MACROD2: variants seen among roughly 807,000 people sequenced by gnomAD.
MACROD2 encodes mono-ADP ribosylhydrolase 2, also known as ADP-ribose glycohydrolase MACROD2.
In MACROD2, 36 loss-of-function variants were observed where a neutral mutation model predicts 70.4. The ratio of observed to expected loss-of-function variants is 0.51; its 90% CI spans 0.39 to 0.68. MACROD2 has a LOEUF of 0.68. Ranked by LOEUF, MACROD2 falls within the 30% of genes least tolerant of loss-of-function variation. The pLI is 0.00. For synonymous variants in MACROD2, 172 were observed against 178.8 expected (o/e 0.96, Z 0.30); for missense variants, 496 against 538.4 (o/e 0.92, Z 0.78).
intron 12 of MACROD2, among the ~76,000 whole-genome samples, chr20:15,938,606 G>A (rs183792200): frequency 3.9e-5 from 6 of 151,978 alleles, no homozygotes; most frequent in East Asian, 1.9e-4. Context: ...CCCTTTTCTC[G>A]GGCCTCCCTA....
intron 8 of MACROD2, among the ~76,000 whole-genome samples, chr20:15,837,579 G>A (rs533381552): frequency 2.2e-4 from 33 of 151,916 alleles, no homozygotes; most frequent in Non-Finnish European, 3.5e-4. Flanking sequence ...CCAACTTGCC[G>A]CATTCTACAC....
intron 3 of MACROD2, among the ~76,000 whole-genome samples, chr20:14,339,554 C>T (rs888998793): frequency 1.3e-5 from 2 of 152,148 alleles, no homozygotes; most frequent in African/African-American, 4.8e-5. Context: ...TTCATTCAGG[C>T]AGGCCTTAAA....
At chr20:15,235,456 G>A (rs776492924) in intron 6 of MACROD2, among the ~76,000 whole-genome samples, 18 of 152,158 alleles carry the variant, frequency 1.2e-4, no homozygotes, top group Non-Finnish European at 2.2e-4. Context: ...TTCCTTCCTT[G>A]AGTCATAGAT....
intron 8 of MACROD2, among the ~76,000 whole-genome samples, chr20:15,816,352 G>T (rs2063874934): frequency 6.6e-6 from 1 of 151,952 alleles, no homozygotes; most frequent in Admixed American, 6.6e-5. Context: ...CCCCCAAATT[G>T]TACTGGAATC....
intron 5 of MACROD2, among the ~76,000 whole-genome samples, chr20:14,772,132 C>T (rs1348171609): frequency 6.6e-6 from 1 of 152,014 alleles, no homozygotes; most frequent in Non-Finnish European, 1.5e-5. Flanking sequence ...TAAAAATTTT[C>T]ACACTAATTT....
chr20:16,021,706 A>T (rs2067003556), intron 15 of MACROD2, among the ~76,000 whole-genome samples: 2 of 152,182 alleles, frequency 1.3e-5, no homozygotes, highest in African/African-American at 2.4e-5. Flanking sequence ...TCTGACTTTT[A>T]CCTATTAGGA....
At chr20:14,228,298 C>T (rs2018662) in intron 3 of MACROD2, among the ~76,000 whole-genome samples, 2,363 of 150,590 alleles carry the variant, frequency 0.016, 27 homozygotes, top group African/African-American at 0.031. Context: ...AATAATTTTA[C>T]TTAAAATAAT....
chr20:15,972,398 A>G (rs1193373303), intron 13 of MACROD2, among the ~76,000 whole-genome samples: 2 of 152,196 alleles, frequency 1.3e-5, no homozygotes, highest in African/African-American at 4.8e-5. Context: ...AGCATAAGAA[A>G]CATAATGAAA....
chr20:14,042,693 T>C (rs2053409846), intron 2 of MACROD2, among the ~76,000 whole-genome samples: 1 of 152,032 alleles, frequency 6.6e-6, no homozygotes, highest in African/African-American at 2.4e-5. Context: ...AGAGATGGGG[T>C]TTCACCGTGT....
chr20:14,618,145 A>G (rs1053313703), intron 4 of MACROD2, among the ~76,000 whole-genome samples: 5 of 152,028 alleles, frequency 3.3e-5, no homozygotes, highest in African/African-American at 9.7e-5. Flanking sequence ...CCAAGCAGCT[A>G]AAATAATGCC....
At chr20:14,080,021 T>G (rs1185115481) in intron 2 of MACROD2, among the ~76,000 whole-genome samples, 1 of 152,170 alleles carries the variant, frequency 6.6e-6, no homozygotes, top group African/African-American at 2.4e-5. Context: ...GGTCACTTCC[T>G]GGCAGGTCCA....
chr20:14,632,710 C>A (rs1270654504), intron 4 of MACROD2, among the ~76,000 whole-genome samples: 1 of 152,018 alleles, frequency 6.6e-6, no homozygotes, highest in Middle Eastern at 3.2e-3. Flanking sequence ...GTATAGTAAA[C>A]AAAATTAAAT....
intron 8 of MACROD2, among the ~76,000 whole-genome samples, chr20:15,554,546 C>CAAAA (rs201068996): frequency 2.1e-4 from 19 of 89,840 alleles, no homozygotes; most frequent in African/African-American, 7.5e-4. Context: ...CCTATTTGGC[C>CAAAA]AAAAAAAAAA....
At chr20:15,190,497 T>A (rs2076563439) in intron 5 of MACROD2, among the ~76,000 whole-genome samples, 2 of 152,188 alleles carry the variant, frequency 1.3e-5, no homozygotes, top group South Asian at 4.1e-4. Flanking sequence ...TATGTATAGG[T>A]AATCATCAGT....
At chr20:15,604,950 C>G (rs529556949) in intron 8 of MACROD2, among the ~76,000 whole-genome samples, 2 of 152,284 alleles carry the variant, frequency 1.3e-5, no homozygotes, top group East Asian at 3.9e-4. Flanking sequence ...ATTTCTCACC[C>G]AAATCTGGCC....
At chr20:14,463,834 G>A (rs148659806) in intron 3 of MACROD2, among the ~76,000 whole-genome samples, 2,571 of 151,934 alleles carry the variant, frequency 0.017, 42 homozygotes, top group Non-Finnish European at 0.026. Context: ...GCTGGATTAC[G>A]TTTATTGATT....
intron 6 of MACROD2, among the ~76,000 whole-genome samples, chr20:15,348,004 C>T (rs2078185134): frequency 6.6e-6 from 1 of 152,212 alleles, no homozygotes; most frequent in East Asian, 1.9e-4. Context: ...TACTCACCAA[C>T]CCCATTTCGC....
chr20:14,671,754 AG>A (rs2070797703), intron 4 of MACROD2, among the ~76,000 whole-genome samples: 2 of 152,224 alleles, frequency 1.3e-5, no homozygotes, highest in African/African-American at 4.8e-5. Flanking sequence ...AGTCAGCCCA[AG>A]GCAGGCTCAA....
chr20:15,609,124 C>T (rs888534634), intron 8 of MACROD2, among the ~76,000 whole-genome samples: 1 of 152,088 alleles, frequency 6.6e-6, no homozygotes, highest in African/African-American at 2.4e-5. Context: ...CTTGAAAATT[C>T]CAATTTGCTT....
Sources: gnomAD v4.1 joint callset for allele counts (sites outside exome capture counted in the v4.1 genomes callset) on GRCh38, gnomAD v4.1.1 for gene constraint, MANE v1.5 for transcripts, NCBI Gene and HGNC (gene_info 2026-07-23, HGNC 2026-07-21) for gene names.